Variants in PCGF3 observed in about 807,000 individuals in gnomAD.
PCGF3 encodes polycomb group RING finger protein 3.
A neutral mutation model predicts 33.1 loss-of-function variants in PCGF3; 7 were observed. That is an observed-to-expected ratio of 0.21 (90% confidence interval 0.12 to 0.40). The LOEUF is 0.40. Ranked by LOEUF, PCGF3 falls within the 10% of genes least tolerant of loss-of-function variation. The pLI, the probability that PCGF3 is intolerant of heterozygous loss-of-function variation, is 1.00. For synonymous variants in PCGF3, 153 were observed against 121.3 expected, an observed-to-expected ratio of 1.26 and a Z score of -1.72; for missense variants, 211 against 313.3, an observed-to-expected ratio of 0.67 and a Z score of 2.46.
chr4:713,531 GT>G (rs1742674018), intron 1 of PCGF3, among the ~76,000 whole-genome samples: 1 of 117,398 alleles, frequency 8.5e-6, no homozygotes, highest in African/African-American at 2.9e-5. Flanking sequence ...GGCCTCATGG[GT>G]CCTGTGTGGC....
At chr4:713,101 G>A (rs1742643937) in intron 1 of PCGF3, among the ~76,000 whole-genome samples, 1 of 146,448 alleles carries the variant, frequency 6.8e-6, no homozygotes, top group Non-Finnish European at 1.5e-5. Flanking sequence ...TGTTCTTCGT[G>A]GGTCCTGTGT....
chr4:713,059 A>G (rs1275845110), intron 1 of PCGF3, among the ~76,000 whole-genome samples: 4 of 105,430 alleles, frequency 3.8e-5, no homozygotes, highest in East Asian at 2.8e-4. Context: ...GGGGCTGTGT[A>G]CCTCCTGGGG....
intron 4 of PCGF3, 22 bp downstream of exon 4, chr4:733,811 C>T (rs529338486): frequency 1.2e-6 from 2 of 1,613,620 alleles, no homozygotes; most frequent in Non-Finnish European, 8.5e-7. Flanking sequence ...GCCCGCGCCA[C>T]CCAGGGAGGG....
rs1337613909 is a variant in PCGF3 at position 721,846 on chromosome 4, T to C, written c.-189-8784T>C. 1.5e-5 allele frequency among the ~76,000 whole-genome samples: 2 copies of C among 129,408 alleles called. No homozygotes were observed. Among genetic ancestry groups the C allele is most frequent in the Non-Finnish European group, 3.2e-5 (2 of 63,154 alleles). The allele number at this position is 129,408 out of a possible 152,430, so 84.9% of individuals were successfully genotyped here. A position where few individuals can be genotyped will look rare whatever the true frequency, so the allele number is the denominator to read the frequency against. ...GTGGATGGGTGTCTCTGCATGTGGG[T>C]GTGGAAAGAGGCCTGTGGGAGACTG... is the stretch of plus-strand genomic sequence containing the variant. On this transcript the variant is annotated intron_variant, in intron 1 of 10. Transcript: ENST00000362003. The surrounding 1 kb of genome is among the most constrained non-coding windows in gnomAD (Gnocchi z 4.1).
In PCGF3 at chr4:721,218, G is replaced by T. The variant is rs1260567408; in HGVS notation, c.-189-9412G>T. On this transcript the variant is annotated intron_variant, in intron 1 of 10. Coordinates refer to ENST00000362003, the Ensembl canonical transcript of PCGF3. The surrounding 1 kb of genome is among the most constrained non-coding windows in gnomAD (Gnocchi z 4.1). ...CTGATTCTCATGGTTCCCCAGTGAGGCTGTTCCACGGTGGCACAGGACACG... is the reference window on the plus strand; with the variant it reads ...CTGATTCTCATGGTTCCCCAGTGAGTCTGTTCCACGGTGGCACAGGACACG... Among the ~76,000 whole-genome samples, 1 of 152,184 alleles carries T rather than the reference G, an allele frequency of 6.6e-6. No homozygotes were observed. Among genetic ancestry groups the T allele is most frequent in the Non-Finnish European group, 1.5e-5 (1 of 68,034 alleles).
chr4:738,661 AAC>A (rs1208914984), intron 6 of PCGF3, among the ~76,000 whole-genome samples: 1 of 149,460 alleles, frequency 6.7e-6, no homozygotes. Flanking sequence ...CAGCCAGACC[AAC>A]ATAGTGAAAC....
At chr4:707,053 G>A (rs541662074) in intron 1 of PCGF3, among the ~76,000 whole-genome samples, 2 of 152,298 alleles carry the variant, frequency 1.3e-5, no homozygotes, top group Admixed American at 6.5e-5. Flanking sequence ...AGACCAGGCA[G>A]GACCTGAAGA....
chr4:749,902 C>T (rs1436042198), intron 8 of PCGF3, among the ~76,000 whole-genome samples: 2 of 152,270 alleles, frequency 1.3e-5, no homozygotes, highest in Admixed American at 6.5e-5. Flanking sequence ...CCTGTACCCT[C>T]TGCCTCCTGG....
At chr4:706,458 G>GT (rs1742308033) in intron 1 of PCGF3, among the ~76,000 whole-genome samples, 3 of 142,712 alleles carry the variant, frequency 2.1e-5, no homozygotes, top group Non-Finnish European at 3.0e-5. Context: ...CAGGACCCAG[G>GT]GAGGGCAAAG....
At chr4:748,514 A>G (rs77348815) in intron 8 of PCGF3, among the ~76,000 whole-genome samples, 1 of 152,296 alleles carries the variant, frequency 6.6e-6, no homozygotes, top group African/African-American at 2.4e-5. Flanking sequence ...TTTTTAGTTT[A>G]CATTTACACG....
rs559723824 is a variant in PCGF3, at chr4:765,364, C to T, written c.681+300C>T. The stretch of plus-strand genomic sequence containing the variant: ...AGGAGAATGGTGTGAACCCGGGAGA[C>T]GAAGCTTGCAGTGAGCCAAGATCGT... On this transcript the variant is annotated intron_variant, in intron 10 of 10. Transcript: ENST00000362003. 5.3e-3 allele frequency among the ~76,000 whole-genome samples: 798 copies of T among 151,402 alleles called. 6 individuals are homozygous for T. The highest frequency in any genetic ancestry group is 0.018 in the African/African-American group (754 of 41,186).
chr4:714,029 G>C (rs1440107545), intron 1 of PCGF3, among the ~76,000 whole-genome samples: 1 of 152,074 alleles, frequency 6.6e-6, no homozygotes, highest in Non-Finnish European at 1.5e-5. Flanking sequence ...AGAATCCATG[G>C]GGGACCCTAA....
intron 8 of PCGF3, 141 bp from the exon 9 acceptor site, chr4:761,138 T>C (rs1195541415): frequency 9.4e-6 from 5 of 531,500 alleles, no homozygotes; most frequent in Admixed American, 8.2e-5. Flanking sequence ...TTTTCTGCAG[T>C]GTTGAAGTCA....
At chr4:761,178 C>T in intron 8 of PCGF3, 101 bp from the exon 9 acceptor site, 1 of 886,288 alleles carries the variant, frequency 1.1e-6, no homozygotes, top group Non-Finnish European at 1.6e-6. Context: ...AAAAGGTCAG[C>T]AGTCCTAGAT....
chr4:738,503 G>A (rs1038284827), intron 6 of PCGF3, among the ~76,000 whole-genome samples: 9 of 152,192 alleles, frequency 5.9e-5, no homozygotes, highest in Admixed American at 1.3e-4. Context: ...AGCAGTGGGC[G>A]GGATCGGGGC....
chr4:763,022 C>T (rs895732192), intron 9 of PCGF3, among the ~76,000 whole-genome samples: 6 of 151,876 alleles, frequency 4.0e-5, no homozygotes, highest in African/African-American at 1.5e-4. Context: ...TCATGGGGGG[C>T]CAATGCCAGC....
intron 1 of PCGF3, among the ~76,000 whole-genome samples, chr4:728,987 C>T (rs1743439542): frequency 6.6e-6 from 1 of 150,856 alleles, no homozygotes; most frequent in Non-Finnish European, 1.5e-5. Context: ...ATAATCCCAG[C>T]TACTCGTGAG....
rs1013986903 is a variant in PCGF3 at position 743,655 on chromosome 4, C to T, written c.373+71C>T. The T allele has an allele frequency of 5.0e-5, 43 of 866,304 alleles. No individual in the cohort carries two copies. The Middle Eastern group carries it at 9.3e-4, about 19-fold the overall frequency. The allele number at this position is 866,304 out of a possible 1,614,324, so 53.7% of individuals were successfully genotyped here. On this transcript the variant is annotated intron_variant, in intron 7 of 10. Transcript: ENST00000362003. ...ATGAGGCCTTTTCTTAAAGAGCTGG[C>T]GCTGTCTGCCGGCCCCTCCCACACG...
intron 1 of PCGF3, among the ~76,000 whole-genome samples, chr4:711,928 G>T (rs1482351209): frequency 6.7e-6 from 1 of 150,110 alleles, no homozygotes; most frequent in South Asian, 2.1e-4. Flanking sequence ...ACTCCAGACT[G>T]GGCGAAGAGT....
Sources: allele counts gnomAD v4.1 joint callset (sites outside exome capture counted in the v4.1 genomes callset), GRCh38; gene constraint gnomAD v4.1.1; non-coding constraint Gnocchi (gnomAD v3.1); transcripts MANE v1.5; gene names NCBI Gene and HGNC (gene_info 2026-07-23, HGNC 2026-07-21).